AUTS2: variants seen among roughly 807,000 people sequenced by gnomAD.
AUTS2 encodes activator of transcription and developmental regulator AUTS2, also known as autism susceptibility gene 2 protein.
In AUTS2, 17 loss-of-function variants were observed where a neutral mutation model predicts 112.4. The ratio of observed to expected loss-of-function variants is 0.15; its 90% CI spans 0.10 to 0.23. AUTS2 has a LOEUF of 0.23. Ranked by LOEUF, AUTS2 falls within the 10% of genes least tolerant of loss-of-function variation. The pLI, the probability that AUTS2 is intolerant of heterozygous loss-of-function variation, is 1.00. For missense variants in AUTS2, 1,510 were observed against 1,701.6 expected (o/e 0.89, Z 1.98); for synonymous variants, 751 against 702.7 (o/e 1.07, Z -1.09).
intron 1 of AUTS2, among the ~76,000 whole-genome samples, chr7:69,724,105 C>T (rs1333039748): frequency 6.6e-6 from 1 of 152,148 alleles, no homozygotes; most frequent in African/African-American, 2.4e-5. Context: ...AAAAAAATCA[C>T]CGAACTGGGA....
At chr7:70,382,521 C>G (rs1181418237) in intron 4 of AUTS2, among the ~76,000 whole-genome samples, 1 of 152,150 alleles carries the variant, frequency 6.6e-6, no homozygotes, top group African/African-American at 2.4e-5. Context: ...GAAAGCATGG[C>G]GCCACCCTCC....
At chr7:70,375,290 G>A (rs1359895517) in intron 4 of AUTS2, among the ~76,000 whole-genome samples, 1 of 152,162 alleles carries the variant, frequency 6.6e-6, no homozygotes, top group Non-Finnish European at 1.5e-5. Context: ...TTTGCTTTGA[G>A]ATTCCATTGG....
At chr7:69,650,925 A>G (rs925769219) in intron 1 of AUTS2, among the ~76,000 whole-genome samples, 7 of 152,166 alleles carry the variant, frequency 4.6e-5, no homozygotes, top group African/African-American at 9.7e-5. Context: ...CGCCCGTGCT[A>G]TGCTGTGTGC....
intron 4 of AUTS2, among the ~76,000 whole-genome samples, chr7:70,295,627 T>C (rs1037310120): frequency 6.6e-6 from 1 of 152,158 alleles, no homozygotes; most frequent in Non-Finnish European, 1.5e-5. Flanking sequence ...TCAACTCTAT[T>C]GAGTTACTCC....
In AUTS2 at chr7:70,776,392, T is replaced by C. The variant is rs1282843787; in HGVS notation, c.1933-711T>C. 5.9e-5 allele frequency among the ~76,000 whole-genome samples: 9 copies of C among 152,170 alleles called. No individual in the cohort carries two copies. The East Asian group carries it at 7.8e-4, about 13-fold the overall frequency. On this transcript the variant is annotated intron_variant, in intron 13 of 18. Coordinates refer to ENST00000342771, the MANE Select transcript of AUTS2 (RefSeq NM_015570.4). ...CCTTATAAAGCAAGACATGAAATAA[T>C]TGGGGAGATGTGGATTCAAATTCAA...
At position 70,094,245 on chromosome 7, in the gene AUTS2, G is replaced by T. The variant is rs189739397; in HGVS notation, c.523-23887G>T. Among the ~76,000 whole-genome samples the T allele has an allele frequency of 2.5e-3, 384 of 152,336 alleles. 3 individuals are homozygous for T. The highest frequency in any genetic ancestry group is 8.8e-3 in the African/African-American group (364 of 41,594). On this transcript the variant is annotated intron_variant, in intron 2 of 18. Transcript: ENST00000342771. Reference sequence around the variant, plus strand: ...TATGTATGTATTTATATATATTTGTGTATGCGCCCTGCATGCTTGTTGCAT... The same window carrying T: ...TATGTATGTATTTATATATATTTGTTTATGCGCCCTGCATGCTTGTTGCAT...
chr7:69,725,217 T>C (rs922533763), intron 1 of AUTS2, among the ~76,000 whole-genome samples: 3 of 152,058 alleles, frequency 2.0e-5, no homozygotes, highest in African/African-American at 7.2e-5. Context: ...TTAGCAGGAG[T>C]ATATCAAACA....
At chr7:70,764,055 G>A (rs1410632254) in intron 7 of AUTS2, among the ~76,000 whole-genome samples, 3 of 152,134 alleles carry the variant, frequency 2.0e-5, no homozygotes, top group African/African-American at 7.2e-5. Context: ...CTGGTGCCCC[G>A]GGGGCTATAA....
chr7:69,898,322 G>A (rs1186995913), intron 1 of AUTS2, among the ~76,000 whole-genome samples: 1 of 152,156 alleles, frequency 6.6e-6, no homozygotes, highest in Admixed American at 6.6e-5. Context: ...AAATAACTGA[G>A]TGCCAAAACA....
At chr7:69,902,804 A>G (rs1795018289) in intron 2 of AUTS2, among the ~76,000 whole-genome samples, 1 of 152,236 alleles carries the variant, frequency 6.6e-6, no homozygotes, top group African/African-American at 2.4e-5. Context: ...CCATACTACC[A>G]AAAGAAAGCT....
intron 1 of AUTS2, among the ~76,000 whole-genome samples, chr7:69,699,639 GTTTTTTT>G (rs748794120): frequency 1.8e-5 from 2 of 111,526 alleles, no homozygotes; most frequent in African/African-American, 3.4e-5. Context: ...CAGTGATAAT[GTTTTTTT>G]TTTTTTTTTT....
intron 1 of AUTS2, among the ~76,000 whole-genome samples, chr7:69,644,553 T>G (rs1445402643): frequency 1.3e-5 from 2 of 152,088 alleles, no homozygotes; most frequent in Non-Finnish European, 2.9e-5. Context: ...CATTCATTAA[T>G]AAGTCAAGAT....
chr7:69,999,689 CA>C (rs2129552548), intron 2 of AUTS2, among the ~76,000 whole-genome samples: 1 of 151,872 alleles, frequency 6.6e-6, no homozygotes, highest in East Asian at 1.9e-4. Context: ...CAAAAAAGCC[CA>C]AAAGGAACCT....
Position 69,974,534 on chromosome 7 carries a change from G to A in AUTS2, c.522+75036G>A, listed in dbSNP as rs113572822. Among the ~76,000 whole-genome samples, 5 of 152,006 alleles carry A rather than the reference G, an allele frequency of 3.3e-5. 1 individual carries two copies. Among genetic ancestry groups the A allele is most frequent in the Admixed American group, 1.3e-4 (2 of 15,244 alleles). On this transcript the variant is annotated intron_variant, in intron 2 of 18. Coordinates refer to ENST00000342771, the MANE Select transcript of AUTS2 (RefSeq NM_015570.4). ...GCCTGAGAATGAGGGGTCCAGTGGCGTAAATCTCTTTTCAAGACTGAAGGC... is the reference window on the plus strand; with the variant it reads ...GCCTGAGAATGAGGGGTCCAGTGGCATAAATCTCTTTTCAAGACTGAAGGC...
chr7:69,670,682 A>G (rs1178390812), intron 1 of AUTS2, among the ~76,000 whole-genome samples: 2 of 151,576 alleles, frequency 1.3e-5, no homozygotes, highest in African/African-American at 4.9e-5. Flanking sequence ...TTGGTTACCA[A>G]TCTGGGTAAC....
intron 4 of AUTS2, among the ~76,000 whole-genome samples, chr7:70,379,745 G>A (rs1305692564): frequency 1.3e-5 from 2 of 152,202 alleles, no homozygotes; most frequent in Non-Finnish European, 2.9e-5. Context: ...CCTACACTAA[G>A]AGACTGAATT....
chr7:70,577,545 CT>C (rs1802222846), intron 5 of AUTS2, among the ~76,000 whole-genome samples: 1 of 152,042 alleles, frequency 6.6e-6, no homozygotes, highest in Admixed American at 6.5e-5. Flanking sequence ...ATAACATTAC[CT>C]GTTACCAGTC....
At chr7:69,864,463 G>A (rs1487061130) in intron 1 of AUTS2, among the ~76,000 whole-genome samples, 2 of 152,158 alleles carry the variant, frequency 1.3e-5, no homozygotes, top group Non-Finnish European at 2.9e-5. Flanking sequence ...TTAAATTTCA[G>A]TTGTAGGGCT....
At chr7:69,911,791 A>C (rs1158181664) in intron 2 of AUTS2, among the ~76,000 whole-genome samples, 1 of 152,116 alleles carries the variant, frequency 6.6e-6, no homozygotes, top group South Asian at 2.1e-4. Context: ...AGGCCTGGAA[A>C]AAGCACCATC....
Sources: gnomAD v4.1 joint callset for allele counts (sites outside exome capture counted in the v4.1 genomes callset) on GRCh38, gnomAD v4.1.1 for gene constraint, MANE v1.5 for transcripts, NCBI Gene and HGNC (gene_info 2026-07-23, HGNC 2026-07-21) for gene names.